Variants in ZBTB16 observed in about 807,000 individuals in gnomAD.
ZBTB16 encodes zinc finger and BTB domain containing 16, also known as zinc finger and BTB domain-containing protein 16.
In ZBTB16, 8 loss-of-function variants were observed where a neutral mutation model predicts 56.8. The ratio of observed to expected loss-of-function variants is 0.14; its 90% CI spans 0.08 to 0.25. ZBTB16 has a LOEUF of 0.25. Among genes scored for constraint, ZBTB16 ranks in the 10% least tolerant of loss-of-function variants. ZBTB16 has a pLI of 1.00. For synonymous variants in ZBTB16, 363 were observed against 368.5 expected, an observed-to-expected ratio of 0.98 and a Z score of 0.17; for missense variants, 625 against 903.0, an observed-to-expected ratio of 0.69 and a Z score of 3.95.
At chr11:114,180,417 C>T (rs867986721) in intron 3 of ZBTB16, among the ~76,000 whole-genome samples, 67 of 152,188 alleles carry the variant, frequency 4.4e-4, no homozygotes, top group African/African-American at 1.5e-3. Flanking sequence ...AGGAGGCTCA[C>T]TGACTGTAGC....
Position 114,159,942 on chromosome 11 carries a change from G to GGGC in ZBTB16, c.1366+3510_1366+3511insCGG, listed in dbSNP as rs201577747. Among the ~76,000 whole-genome samples the GGGC allele has an allele frequency of 5.6e-3, 826 of 148,098 alleles. 127 individuals carry two copies. Among genetic ancestry groups the GGGC allele is most frequent in the African/African-American group, 0.019 (743 of 39,578 alleles). On this transcript the variant is annotated intron_variant, in intron 3 of 6. Coordinates refer to ENST00000335953, the MANE Select transcript of ZBTB16 (RefSeq NM_006006.6). ...AGAACCCTGGGCGGGGGAGGCGGGG[G>GGGC]GGAGGCGAGCATTTTTTTTCAAAAG...
chr11:114,102,980 T>C (rs1474491500), intron 2 of ZBTB16, among the ~76,000 whole-genome samples: 3 of 152,166 alleles, frequency 2.0e-5, no homozygotes, highest in Non-Finnish European at 4.4e-5. Context: ...TCCAAACCAT[T>C]ATGTCTTGTT....
chr11:114,072,918 G>T (rs370236485), intron 2 of ZBTB16, among the ~76,000 whole-genome samples: 3 of 151,950 alleles, frequency 2.0e-5, no homozygotes, highest in African/African-American at 7.3e-5. Context: ...CGGGCGTGGT[G>T]GGGGGCGCCT....
At chr11:114,074,059 T>C (rs1449138415) in intron 2 of ZBTB16, among the ~76,000 whole-genome samples, 2 of 152,196 alleles carry the variant, frequency 1.3e-5, no homozygotes, top group African/African-American at 4.8e-5. Flanking sequence ...TCCTCTTCTG[T>C]GAAGTGAGGT....
chr11:114,220,702 T>C (rs1442448013), intron 4 of ZBTB16, among the ~76,000 whole-genome samples: 1 of 152,214 alleles, frequency 6.6e-6, no homozygotes, highest in African/African-American at 2.4e-5. Context: ...TTTTTCTCCA[T>C]TGCCTTGCAG....
At chr11:114,249,041 A>G (rs989933921) in intron 6 of ZBTB16, among the ~76,000 whole-genome samples, 3 of 152,106 alleles carry the variant, frequency 2.0e-5, no homozygotes, top group African/African-American at 7.2e-5. Context: ...TATGGAAGGA[A>G]AGTTGGGGTA....
intron 2 of ZBTB16, among the ~76,000 whole-genome samples, chr11:114,076,314 C>T (rs1478298074): frequency 6.6e-6 from 1 of 152,138 alleles, no homozygotes; most frequent in African/African-American, 2.4e-5. Context: ...GAGTGGCCAG[C>T]GAGTCGGGCG....
intron 3 of ZBTB16, among the ~76,000 whole-genome samples, chr11:114,166,829 CT>C (rs1438656917): frequency 6.6e-6 from 1 of 152,152 alleles, no homozygotes; most frequent in East Asian, 1.9e-4. Context: ...GCCCCATGAC[CT>C]TTGGGGCTCA....
chr11:114,151,454 G>A (rs1047937059), intron 2 of ZBTB16, among the ~76,000 whole-genome samples: 3 of 152,138 alleles, frequency 2.0e-5, no homozygotes, highest in Non-Finnish European at 2.9e-5. Context: ...AGAGCAGTGG[G>A]TAGTCCAGCT....
chr11:114,200,763 G>A (rs74387013), intron 4 of ZBTB16, among the ~76,000 whole-genome samples: 4,295 of 152,180 alleles, frequency 0.028, 108 homozygotes, highest in East Asian at 0.092. Context: ...AGCCCCTCAA[G>A]CTTCTCCTTT....
rs763364502 is a variant in ZBTB16 at position 114,186,953 on chromosome 11, G to T, written c.1368G>T (p.Ala456=). The change falls in exon 4 of 7, where the codon GCG becomes GCT. Residue 456 remains alanine, a splice_region_variant and synonymous_variant. Transcript: ENST00000335953. ...GTAACTGCCTCTCCTTTCTTTCAGCGGGTGCCAAAGCCTTTGTCTGTGATC... is the reference window on the plus strand; with the variant it reads ...GTAACTGCCTCTCCTTTCTTTCAGCTGGTGCCAAAGCCTTTGTCTGTGATC... ...RLRMHLLAHS[A]GAKAFVCDQC... 27 of 1,613,844 alleles carry T rather than the reference G, an allele frequency of 1.7e-5. No individual in the cohort carries two copies. The highest frequency in any genetic ancestry group is 2.3e-5 in the Non-Finnish European group (27 of 1,180,022).
intron 3 of ZBTB16, among the ~76,000 whole-genome samples, chr11:114,184,737 A>G (rs756797441): frequency 1.3e-5 from 2 of 152,212 alleles, no homozygotes; most frequent in Non-Finnish European, 2.9e-5. Context: ...CTAAGCATTT[A>G]GTGTCATGCC....
chr11:114,232,098 C>G (rs1258595128), intron 4 of ZBTB16, among the ~76,000 whole-genome samples: 3 of 152,144 alleles, frequency 2.0e-5, no homozygotes, highest in African/African-American at 7.2e-5. Context: ...CCCTTTCATG[C>G]TCCGTCCCGA....
At chr11:114,154,438 G>T (rs1255539856) in intron 2 of ZBTB16, among the ~76,000 whole-genome samples, 1 of 152,126 alleles carries the variant, frequency 6.6e-6, no homozygotes, top group Non-Finnish European at 1.5e-5. Context: ...CTCTATAGAA[G>T]AACATCTCTT....
At chr11:114,156,504 C>A in intron 3 of ZBTB16, 70 bp downstream of exon 3, 1 of 1,462,710 alleles carries the variant, frequency 6.8e-7, no homozygotes, top group Non-Finnish European at 9.6e-7. Context: ...TACCCCTCCT[C>A]AGAGCCTGCT....
intron 2 of ZBTB16, among the ~76,000 whole-genome samples, chr11:114,084,655 G>C (rs945731689): frequency 6.6e-6 from 1 of 152,174 alleles, no homozygotes. Context: ...CCCACTCCGT[G>C]CATCATCCCA....
At chr11:114,218,198 C>T (rs372312812) in intron 4 of ZBTB16, among the ~76,000 whole-genome samples, 2 of 152,358 alleles carry the variant, frequency 1.3e-5, no homozygotes, top group East Asian at 3.9e-4. Context: ...CACGGACCTT[C>T]CTGGAAGTCC....
chr11:114,118,550 A>G (rs1941246152), intron 2 of ZBTB16, among the ~76,000 whole-genome samples: 1 of 152,170 alleles, frequency 6.6e-6, no homozygotes, highest in South Asian at 2.1e-4. Context: ...AGTCTTGGAA[A>G]GGATTTATTT....
At chr11:114,133,967 C>T (rs567945585) in intron 2 of ZBTB16, among the ~76,000 whole-genome samples, 6 of 152,294 alleles carry the variant, frequency 3.9e-5, no homozygotes, top group Non-Finnish European at 5.9e-5. Context: ...TCAGTGGCCT[C>T]GTCTTTTTAC....
Sources: gnomAD v4.1 joint callset for allele counts (sites outside exome capture counted in the v4.1 genomes callset) on GRCh38, gnomAD v4.1.1 for gene constraint, MANE v1.5 for transcripts, NCBI Gene and HGNC (gene_info 2026-07-23, HGNC 2026-07-21) for gene names.